Variants in ZNF708 observed in about 807,000 individuals in gnomAD.
ZNF708 encodes the protein ZNF15, ZNF15L1.
ZNF708 carries 44 observed loss-of-function variants against 47.0 expected under a neutral mutation model. The observed-to-expected ratio is 0.94, with a 90% CI of 0.74 to 1.20. ZNF708 has a LOEUF of 1.20. Among genes scored for constraint, ZNF708 ranks in the 50% most tolerant of loss-of-function variants. The pLI is 0.00. For synonymous variants in ZNF708, 184 were observed against 218.5 expected, an observed-to-expected ratio of 0.84 and a Z score of 1.39; for missense variants, 557 against 656.0, an observed-to-expected ratio of 0.85 and a Z score of 1.65.
chr19:21,325,910 A>C (rs1599694055), intron 1 of ZNF708, among the ~76,000 whole-genome samples: 1 of 152,234 alleles, frequency 6.6e-6, no homozygotes, highest in African/African-American at 2.4e-5. Flanking sequence ...AAGGATATGA[A>C]TAAACAATTC....
rs1176642591 is a variant in ZNF708, at chr19:21,292,983, G to A, written c.*291C>T. On this transcript the variant is annotated 3_prime_UTR_variant, in exon 4 of 4. Coordinates refer to ENST00000356929, the MANE Select transcript of ZNF708 (RefSeq NM_021269.3). ...TCCTCACCAGTATGATTTATTTTAT[G>A]TTTAGAAAAGTTTGAGGTGTTGTCA... The A allele has an allele frequency of 3.5e-6, 1 of 286,966 alleles. No individual in the cohort carries two copies. The highest frequency in any genetic ancestry group is 2.2e-5 in the African/African-American group (1 of 45,628). The allele number at this position is 286,966 out of a possible 1,614,324, so 17.8% of individuals were successfully genotyped here.
In ZNF708 at chr19:21,329,395, A is replaced by G. The variant is rs1973331614; in HGVS notation, c.-183T>C. 2.3e-6 allele frequency: 2 copies of G among 856,586 alleles called. No individual in the cohort carries two copies. Among genetic ancestry groups the G allele is most frequent in the South Asian group, 3.0e-5 (2 of 65,592 alleles). 53.1% of individuals were successfully genotyped at this position (856,586 alleles called of 1,614,324 possible). A position where few individuals can be genotyped will look rare whatever the true frequency, so the allele number is the denominator to read the frequency against. ...ACCCGGAAGCCGCCCTGTCCGGTCC[A>G]GCTGCGTGTCTGAGTGAACTGTCCC... On this transcript the variant is annotated 5_prime_UTR_variant, in exon 1 of 4. Coordinates refer to ENST00000356929, the MANE Select transcript of ZNF708 (RefSeq NM_021269.3).
At chr19:21,318,823 G>C (rs1973067907) in intron 1 of ZNF708, 1 of 147,104 alleles carries the variant, frequency 6.8e-6, no homozygotes, top group Non-Finnish European at 1.5e-5. Flanking sequence ...CACATCACCT[G>C]TCTATTTGTC....
At chr19:21,305,106 G>C (rs1222169891) in intron 3 of ZNF708, among the ~76,000 whole-genome samples, 1 of 151,868 alleles carries the variant, frequency 6.6e-6, no homozygotes, top group Non-Finnish European at 1.5e-5. Flanking sequence ...TGCCTCCAGG[G>C]TTCAAGCAAT....
chr19:21,313,050 G>A (rs1186038639), intron 1 of ZNF708, among the ~76,000 whole-genome samples: 1 of 151,398 alleles, frequency 6.6e-6, no homozygotes, highest in Admixed American at 6.6e-5. Flanking sequence ...TAGGAGGCAG[G>A]TGGATCACTT....
At chr19:21,308,524 C>A (rs182969119) in intron 3 of ZNF708, among the ~76,000 whole-genome samples, 2 of 152,198 alleles carry the variant, frequency 1.3e-5, no homozygotes, top group African/African-American at 4.8e-5. Flanking sequence ...GGTGATCCAC[C>A]CATCTCGGCC....
chr19:21,294,114 T>C lies in ZNF708; in HGVS notation c.852A>G (p.Glu284=). Reference sequence around the variant, plus strand: ...AGGACTGTTTAAAAGCTTTGCCACATTCTTCACATTTGTAGGGTTTCTCTC... The same window carrying C: ...AGGACTGTTTAAAAGCTTTGCCACACTCTTCACATTTGTAGGGTTTCTCTC... ...HTGEKPYKCE[E]CGKAFKQSSN... The change falls in exon 4 of 4, where the codon GAA becomes GAG. Residue 284 remains glutamate, a synonymous_variant. Coordinates refer to ENST00000356929, the MANE Select transcript of ZNF708 (RefSeq NM_021269.3). The C allele has an allele frequency of 6.2e-7, 1 of 1,613,188 alleles. No homozygotes were observed. The highest frequency in any genetic ancestry group is 8.5e-7 in the Non-Finnish European group (1 of 1,179,798).
intron 3 of ZNF708, among the ~76,000 whole-genome samples, chr19:21,301,847 A>C (rs1382373126): frequency 9.7e-6 from 1 of 102,974 alleles, no homozygotes; most frequent in African/African-American, 4.0e-5. Flanking sequence ...TGTGATAAAA[A>C]AATATTTCTA....
chr19:21,295,726 CAA>C (rs1972514935), intron 3 of ZNF708, among the ~76,000 whole-genome samples: 1 of 151,232 alleles, frequency 6.6e-6, no homozygotes, highest in African/African-American at 2.4e-5. Context: ...GCCTGGGCAA[CAA>C]GAGCAAAACT....
intron 3 of ZNF708, among the ~76,000 whole-genome samples, chr19:21,304,632 A>G (rs1972723991): frequency 6.6e-6 from 1 of 152,208 alleles, no homozygotes; most frequent in Non-Finnish European, 1.5e-5. Flanking sequence ...TCATATCTAT[A>G]ATCTCAACAC....
intron 3 of ZNF708, among the ~76,000 whole-genome samples, chr19:21,295,670 G>A (rs985036556): frequency 3.9e-5 from 6 of 152,026 alleles, no homozygotes; most frequent in South Asian, 2.1e-4. Context: ...GCTTGAACTC[G>A]GGAGGCAGAG....
chr19:21,328,149 C>G (rs1358700674), intron 1 of ZNF708: 2 of 233,622 alleles, frequency 8.6e-6, no homozygotes, highest in African/African-American at 4.7e-5. Context: ...CACCTGAAAA[C>G]AAACATTCTG....
At chr19:21,311,608 A>G (rs1972900287) in intron 1 of ZNF708, among the ~76,000 whole-genome samples, 2 of 152,134 alleles carry the variant, frequency 1.3e-5, no homozygotes, top group South Asian at 4.1e-4. Flanking sequence ...TTAGGTAGAC[A>G]TCTTGAGAAT....
chr19:21,301,595 G>T (rs540309016), intron 3 of ZNF708, among the ~76,000 whole-genome samples: 5 of 151,286 alleles, frequency 3.3e-5, no homozygotes, highest in African/African-American at 1.2e-4. Context: ...TAGCCTGGGC[G>T]ACACAGCTAG....
chr19:21,309,445 T>C (rs1421535091), intron 2 of ZNF708, 104 bp from the exon 3 acceptor site: 14 of 1,112,484 alleles, frequency 1.3e-5, no homozygotes, highest in African/African-American at 3.3e-5. Context: ...CAGTGGCTCA[T>C]CCTGGTAATC....
chr19:21,296,987 G>T (rs1475150926), intron 3 of ZNF708, among the ~76,000 whole-genome samples: 1 of 151,204 alleles, frequency 6.6e-6, no homozygotes, highest in East Asian at 2.0e-4. Flanking sequence ...ATAAAAATTA[G>T]CTGGGCGTGG....
At chr19:21,301,411 G>C (rs555598620) in intron 3 of ZNF708, among the ~76,000 whole-genome samples, 7 of 151,880 alleles carry the variant, frequency 4.6e-5, no homozygotes, top group African/African-American at 1.4e-4. Flanking sequence ...TCAGGAGTTT[G>C]AGACCAGCCT....
intron 1 of ZNF708, among the ~76,000 whole-genome samples, chr19:21,320,214 C>CTA (rs1211646887): frequency 7.2e-5 from 11 of 151,820 alleles, no homozygotes; most frequent in Non-Finnish European, 1.5e-5. Context: ...AACTACAGAA[C>CTA]TAAAAGCAGA....
At chr19:21,311,115 C>T (rs1972890463) in intron 1 of ZNF708, among the ~76,000 whole-genome samples, 1 of 152,070 alleles carries the variant, frequency 6.6e-6, no homozygotes, top group African/African-American at 2.4e-5. Context: ...ATGTTTTTGG[C>T]CCAAAAAGAA....
Sources: gnomAD v4.1 joint callset for allele counts (sites outside exome capture counted in the v4.1 genomes callset) on GRCh38, gnomAD v4.1.1 for gene constraint, MANE v1.5 for transcripts, NCBI Gene and HGNC (gene_info 2026-07-23, HGNC 2026-07-21) for gene names.